The following TNRC6C variants were observed in gnomAD, a reference collection of about 807,000 sequenced individuals.
TNRC6C encodes trinucleotide repeat containing adaptor 6C.
TNRC6C carries 20 observed loss-of-function variants against 153.7 expected under a neutral mutation model. The observed-to-expected ratio is 0.13, with a 90% CI of 0.09 to 0.19. The LOEUF is 0.19. TNRC6C is among the 10% of genes least tolerant of loss of function. The pLI is 1.00. For missense variants in TNRC6C, 1,987 were observed against 2,172.0 expected (o/e 0.91, Z 1.69); for synonymous variants, 811 against 841.4 (o/e 0.96, Z 0.63).
intron 1 of TNRC6C, among the ~76,000 whole-genome samples, chr17:77,964,586 A>G (rs1184479055): frequency 6.6e-6 from 1 of 152,200 alleles, no homozygotes; most frequent in Non-Finnish European, 1.5e-5. Flanking sequence ...ATTCCCAAAG[A>G]TCATTTCTTT....
At chr17:78,001,076 C>T (rs1380910933), upstream of TNRC6C, among the ~76,000 whole-genome samples, 2 of 152,184 alleles carry the variant, frequency 1.3e-5, no homozygotes, top group Non-Finnish European at 2.9e-5. Context: ...TCACCCTTTC[C>T]TCCTCCTAGC....
chr17:78,068,024 C>T, intron 5 of TNRC6C, 101 bp downstream of exon 7: 7 of 1,411,066 alleles, frequency 5.0e-6, no homozygotes, highest in Middle Eastern at 1.9e-4. Context: ...ACCTGAGGTT[C>T]TCAAAGTAGT....
chr17:77,960,656 C>T (rs1327190943), intron 1 of TNRC6C, among the ~76,000 whole-genome samples: 1 of 152,130 alleles, frequency 6.6e-6, no homozygotes, highest in Non-Finnish European at 1.5e-5. Context: ...TAAAACTTAG[C>T]CCCAGGCCAG....
chr17:78,039,316 C>G (rs548444660), intron 2 of TNRC6C, among the ~76,000 whole-genome samples: 35 of 147,978 alleles, frequency 2.4e-4, no homozygotes, highest in Admixed American at 1.3e-3. Context: ...CTTGCCCCCC[C>G]CCCCCACTCC....
chr17:78,071,815 ATGT>A (rs2073002957), intron 6 of TNRC6C, among the ~76,000 whole-genome samples: 1 of 152,250 alleles, frequency 6.6e-6, no homozygotes, highest in Non-Finnish European at 1.5e-5. Context: ...AGAAAACTTG[ATGT>A]AAAGTACTAA....
At chr17:78,021,743 T>C (rs983947144) in intron 1 of TNRC6C, among the ~76,000 whole-genome samples, 1 of 152,088 alleles carries the variant, frequency 6.6e-6, no homozygotes, top group African/African-American at 2.4e-5. Flanking sequence ...CTAATTTTGG[T>C]ATTTTTAGTA....
chr17:78,020,857 G>C (rs925748411), intron 1 of TNRC6C, among the ~76,000 whole-genome samples: 28 of 152,304 alleles, frequency 1.8e-4, no homozygotes, highest in Admixed American at 1.6e-3. Context: ...CACTTGGCCA[G>C]TGGCTGCTGT....
intron 1 of TNRC6C, among the ~76,000 whole-genome samples, chr17:77,975,975 A>G (rs1467515164): frequency 1.6e-4 from 24 of 152,174 alleles, no homozygotes; most frequent in Non-Finnish European, 8.8e-5. Context: ...TCTGGGCTAG[A>G]TTTCTAGGAA....
chr17:78,080,830 T>C (rs1398530624), intron 10 of TNRC6C, among the ~76,000 whole-genome samples: 3 of 152,176 alleles, frequency 2.0e-5, no homozygotes, highest in African/African-American at 7.2e-5. Flanking sequence ...ACCTCTGATA[T>C]CAAGAAGATA....
intron 1 of TNRC6C, among the ~76,000 whole-genome samples, chr17:77,998,951 G>A (rs534581436): frequency 6.6e-6 from 1 of 152,348 alleles, no homozygotes; most frequent in East Asian, 1.9e-4. Flanking sequence ...GCCTGGGTAG[G>A]TTCAAGGCTT....
At chr17:78,053,504 C>T (rs2072580595) in intron 3 of TNRC6C, among the ~76,000 whole-genome samples, 1 of 151,900 alleles carries the variant, frequency 6.6e-6, no homozygotes, top group Admixed American at 6.6e-5. Context: ...TGGCGCATGT[C>T]TCTAATCCCA....
At chr17:78,025,944 A>G (rs970223487) in intron 1 of TNRC6C, among the ~76,000 whole-genome samples, 8 of 152,232 alleles carry the variant, frequency 5.3e-5, no homozygotes, top group Non-Finnish European at 1.2e-4. Context: ...TTTCAGAATT[A>G]GAAGGAGCCT....
chr17:78,037,809 G>A (rs1177761631), intron 2 of TNRC6C, among the ~76,000 whole-genome samples: 1 of 152,190 alleles, frequency 6.6e-6, no homozygotes, highest in East Asian at 1.9e-4. Context: ...GAACTTGATA[G>A]ACTAATTCCA....
intron 13 of TNRC6C, 25 bp from the exon 16 acceptor site, chr17:78,091,415 A>C (rs187662387): frequency 1.3e-6 from 2 of 1,560,194 alleles, no homozygotes; most frequent in Admixed American, 1.9e-5. Context: ...GAGCAGGCGA[A>C]TCCTAACCGC....
At chr17:78,010,276 G>A (rs1421999418) in intron 1 of TNRC6C, among the ~76,000 whole-genome samples, 1 of 152,128 alleles carries the variant, frequency 6.6e-6, no homozygotes, top group Non-Finnish European at 1.5e-5. Flanking sequence ...GTTTGTAATT[G>A]GTAAACAAAA....
chr17:78,050,445 A>C, exon 3 of TNRC6C: 3 of 1,614,038 alleles, frequency 1.9e-6, no homozygotes, highest in Non-Finnish European at 2.5e-6. Context: ...CTGCCTGGGA[A>C]TTTGAAGAAT....
intron 5 of TNRC6C, 109 bp from the exon 8 acceptor site, chr17:78,070,976 A>C (rs527564989): frequency 9.2e-7 from 1 of 1,082,250 alleles, no homozygotes; most frequent in African/African-American, 1.6e-5. Context: ...TAATACAAAA[A>C]GATCCTGTGA....
chr17:78,096,356 C>G (rs978779102), intron 16 of TNRC6C, among the ~76,000 whole-genome samples: 2 of 152,158 alleles, frequency 1.3e-5, no homozygotes, highest in Non-Finnish European at 2.9e-5. Flanking sequence ...TACACCACAC[C>G]CCCACGACGC....
chr17:78,050,392 C>T (rs1305575480), exon 3 of TNRC6C: 1 of 1,613,836 alleles, frequency 6.2e-7, no homozygotes, highest in South Asian at 1.1e-5. Context: ...CCCAAGAGTT[C>T]TGTCTAATAC....
Sources: allele counts gnomAD v4.1 joint callset (sites outside exome capture counted in the v4.1 genomes callset), GRCh38; gene constraint gnomAD v4.1.1; transcripts MANE v1.5; gene names NCBI Gene and HGNC (gene_info 2026-07-23, HGNC 2026-07-21).